Variants in MOB3B observed in about 807,000 individuals in gnomAD.
The protein encoded by MOB3B is MOB kinase activator 3B.
In MOB3B, 7 loss-of-function variants were observed where a neutral mutation model predicts 18.7. The ratio of observed to expected loss-of-function variants is 0.37; its 90% CI spans 0.21 to 0.70. MOB3B has a LOEUF of 0.70. MOB3B is among the 30% of genes least tolerant of loss of function. The probability of loss-of-function intolerance (pLI) is 0.52; values close to 1 mark genes in which losing one functional copy is unlikely to be tolerated. For synonymous variants in MOB3B, 111 were observed against 99.9 expected (o/e 1.11, Z -0.66); for missense variants, 253 against 281.3 (o/e 0.90, Z 0.72).
intron 1 of MOB3B, among the ~76,000 whole-genome samples, chr9:27,459,814 G>T (rs1819254111): frequency 6.8e-6 from 1 of 147,884 alleles, no homozygotes; most frequent in African/African-American, 2.5e-5. Flanking sequence ...AGGTTTCTTT[G>T]GCTGAATAAA....
At chr9:27,528,757 G>A (rs1425065273) in intron 1 of MOB3B, among the ~76,000 whole-genome samples, 2 of 151,356 alleles carry the variant, frequency 1.3e-5, no homozygotes, top group African/African-American at 4.8e-5. Flanking sequence ...AGGGTTAGGG[G>A]AGAGGGTCAG....
chr9:27,430,013 A>T (rs1265215178), intron 2 of MOB3B, among the ~76,000 whole-genome samples: 1 of 152,190 alleles, frequency 6.6e-6, no homozygotes, highest in Non-Finnish European at 1.5e-5. Context: ...GCTCCAACAG[A>T]GTTCCCTGAT....
At chr9:27,484,450 C>G (rs968906129) in intron 1 of MOB3B, among the ~76,000 whole-genome samples, 1 of 152,130 alleles carries the variant, frequency 6.6e-6, no homozygotes, top group Admixed American at 6.5e-5. Context: ...GACATTTCTC[C>G]CTGTGCAAAA....
At chr9:27,432,547 T>A (rs1429017220) in intron 2 of MOB3B, among the ~76,000 whole-genome samples, 1 of 152,216 alleles carries the variant, frequency 6.6e-6, no homozygotes, top group Non-Finnish European at 1.5e-5. Context: ...TGAATGGAAC[T>A]GCATCTCTGC....
At chr9:27,500,328 A>C (rs1040593918) in intron 1 of MOB3B, among the ~76,000 whole-genome samples, 2 of 152,254 alleles carry the variant, frequency 1.3e-5, no homozygotes, top group East Asian at 3.9e-4. Flanking sequence ...TATAGAAAGC[A>C]CAAACAAGTG....
At position 27,379,433 on chromosome 9, in the gene MOB3B, A is replaced by G. The variant is rs192511376; in HGVS notation, c.419-20197T>C. On this transcript the variant is annotated intron_variant, in intron 2 of 3. Transcript: ENST00000262244. ...GATAATTACTGAGGGTTTACTCTGA[A>G]CCAGGACCAGTCATTACCTCACTGA... Among the ~76,000 whole-genome samples the G allele has an allele frequency of 5.9e-5, 9 of 152,276 alleles. No individual in the cohort carries two copies. The East Asian group carries it at 1.2e-3, about 20-fold the overall frequency.
chr9:27,374,232 T>A (rs199565790), intron 2 of MOB3B, among the ~76,000 whole-genome samples: 87 of 117,746 alleles, frequency 7.4e-4, no homozygotes, highest in Admixed American at 1.0e-3. Flanking sequence ...TTTTTTTTTT[T>A]AAATAATGAG....
intron 2 of MOB3B, among the ~76,000 whole-genome samples, chr9:27,367,301 G>A (rs1821354819): frequency 6.6e-6 from 1 of 152,218 alleles, no homozygotes; most frequent in African/African-American, 2.4e-5. Context: ...ATTCTGCCAG[G>A]AAGCTTTGTA....
chr9:27,417,181 G>A (rs1209238436), intron 2 of MOB3B, among the ~76,000 whole-genome samples: 3 of 152,098 alleles, frequency 2.0e-5, no homozygotes, highest in African/African-American at 4.8e-5. Context: ...GGATAACACC[G>A]TGAAACCCCG....
At chr9:27,411,008 C>T (rs4879473) in intron 2 of MOB3B, among the ~76,000 whole-genome samples, 144,874 of 152,304 alleles carry the variant, frequency 0.95, 69,288 homozygotes, top group East Asian at 1. Context: ...ATGATGAATG[C>T]GAATATGGAA....
intron 1 of MOB3B, among the ~76,000 whole-genome samples, chr9:27,516,715 G>A (rs1820241164): frequency 6.6e-6 from 1 of 152,116 alleles, no homozygotes; most frequent in African/African-American, 2.4e-5. Context: ...CATATTCTTA[G>A]GGTTCTGACA....
chr9:27,354,591 G>A (rs1235929396), intron 3 of MOB3B, among the ~76,000 whole-genome samples: 2 of 152,198 alleles, frequency 1.3e-5, no homozygotes, highest in African/African-American at 4.8e-5. Flanking sequence ...CATGTTCTGA[G>A]ATAAGGGGCG....
At chr9:27,524,945 A>G (rs1346378081) in intron 1 of MOB3B, 1 of 1,587,096 alleles carries the variant, frequency 6.3e-7, no homozygotes. Context: ...TTACAGCTCT[A>G]TTCAGGAGGA....
chr9:27,398,232 C>G (rs1369923294), intron 2 of MOB3B, among the ~76,000 whole-genome samples: 1 of 152,162 alleles, frequency 6.6e-6, no homozygotes, highest in Admixed American at 6.5e-5. Flanking sequence ...CTGAAATGTA[C>G]CCCTCCTCCC....
At chr9:27,442,797 G>T in intron 2 of MOB3B, among the ~76,000 whole-genome samples, 1 of 152,178 alleles carries the variant, frequency 6.6e-6, no homozygotes, top group Non-Finnish European at 1.5e-5. Flanking sequence ...CTCCACGTTA[G>T]CTCCTTTCAT....
intron 1 of MOB3B, among the ~76,000 whole-genome samples, chr9:27,491,664 G>A (rs775254056): frequency 7.2e-5 from 11 of 152,156 alleles, no homozygotes; most frequent in Non-Finnish European, 1.2e-4. Flanking sequence ...ACAAGGTCAG[G>A]AGATTGAGAC....
At chr9:27,354,318 C>T (rs190516212) in intron 3 of MOB3B, among the ~76,000 whole-genome samples, 207 of 152,314 alleles carry the variant, frequency 1.4e-3, no homozygotes, top group Non-Finnish European at 2.4e-3. Context: ...AATTTCACTG[C>T]TAAAACAGAG....
chr9:27,447,078 C>T (rs1437080588), intron 2 of MOB3B, among the ~76,000 whole-genome samples: 2 of 152,084 alleles, frequency 1.3e-5, no homozygotes, highest in Non-Finnish European at 2.9e-5. Context: ...CGTCCTTATG[C>T]CTACAAAGGT....
chr9:27,398,942 CT>C (rs1392882046), intron 2 of MOB3B, among the ~76,000 whole-genome samples: 3 of 138,604 alleles, frequency 2.2e-5, no homozygotes, highest in Non-Finnish European at 4.7e-5. Context: ...TGGGTGGCTA[CT>C]TTTTTTTTAA....
Sources: allele counts gnomAD v4.1 joint callset (sites outside exome capture counted in the v4.1 genomes callset), GRCh38; gene constraint gnomAD v4.1.1; transcripts MANE v1.5; gene names NCBI Gene and HGNC (gene_info 2026-07-23, HGNC 2026-07-21).